Variants in SGK3 observed in about 807,000 individuals in gnomAD.
SGK3 encodes serum/glucocorticoid regulated kinase family member 3, also known as serine/threonine-protein kinase Sgk3.
SGK3 carries 47 observed loss-of-function variants against 68.5 expected under a neutral mutation model. That is an observed-to-expected ratio of 0.69 (90% CI 0.54 to 0.87). SGK3 has a LOEUF of 0.87. SGK3 is among the 40% of genes least tolerant of loss of function. The pLI, the probability that SGK3 is intolerant of heterozygous loss-of-function variation, is 0.00. For synonymous variants in SGK3, 181 were observed against 189.1 expected (o/e 0.96, Z 0.35); for missense variants, 479 against 575.5 (o/e 0.83, Z 1.72).
chr8:66,810,275 G>GAAA (rs549049097), intron 4 of SGK3, among the ~76,000 whole-genome samples: 1 of 127,754 alleles, frequency 7.8e-6, no homozygotes. Flanking sequence ...AAATATTCCA[G>GAAA]AAAAAAAAAA....
chr8:66,859,241 G>A (rs552985396), intron 16 of SGK3, among the ~76,000 whole-genome samples, 170 bp from the exon 17 acceptor site: 1 of 152,282 alleles, frequency 6.6e-6, no homozygotes, highest in South Asian at 2.1e-4. Flanking sequence ...GGTGAGGCAG[G>A]AGAATTGCTT....
At chr8:66,733,494 G>A (rs1805228285) in intron 1 of SGK3, among the ~76,000 whole-genome samples, 1 of 152,158 alleles carries the variant, frequency 6.6e-6, no homozygotes, top group Non-Finnish European at 1.5e-5. Flanking sequence ...GAAATAATGG[G>A]TGTAAAAATG....
At chr8:66,859,260 G>A in intron 16 of SGK3, 151 bp from the exon 17 acceptor site, 3 of 877,538 alleles carry the variant, frequency 3.4e-6, no homozygotes, top group Non-Finnish European at 4.7e-6. Flanking sequence ...TTGAACCCAG[G>A]AGGCGGAGGT....
chr8:66,828,675 A>G lies in SGK3; in HGVS notation c.439A>G (p.Ile147Val), dbSNP rs749604996. Residue 147 changes from isoleucine to valine, a missense_variant, in exon 7 of 17, where the codon ATC becomes GTC. Coordinates refer to ENST00000521198, the MANE Select transcript of SGK3 (RefSeq NM_001033578.3). ...ACAGCTACACTCTACCTCACAGAAC[A>G]TCAACCTGGGACCGTCTGGAAATCC... is the stretch of plus-strand genomic sequence containing the variant. ...SQKLHSTSQN[I>V]NLGPSGNPHA... 22 of 1,613,902 alleles carry G rather than the reference A, an allele frequency of 1.4e-5. No individual in the cohort carries two copies. In the African/African-American group the frequency reaches 2.1e-4, roughly 16 times the overall value.
chr8:66,745,599 A>AACAAC (rs1554593990), intron 1 of SGK3, among the ~76,000 whole-genome samples: 5 of 151,638 alleles, frequency 3.3e-5, no homozygotes, highest in African/African-American at 1.2e-4. Context: ...CAAAACAAAA[A>AACAAC]AACAACAAAA....
intron 1 of SGK3, among the ~76,000 whole-genome samples, chr8:66,733,171 G>C (rs1354732401): frequency 6.6e-6 from 1 of 152,120 alleles, no homozygotes; most frequent in Non-Finnish European, 1.5e-5. Flanking sequence ...ATGTGATAGT[G>C]GGAAAAAGTA....
intron 1 of SGK3, among the ~76,000 whole-genome samples, chr8:66,736,729 A>G (rs188048287): frequency 4.8e-4 from 73 of 151,238 alleles, no homozygotes; most frequent in Admixed American, 7.9e-4. Context: ...AAGTGATTCT[A>G]CTGCTTCAGC....
intron 1 of SGK3, among the ~76,000 whole-genome samples, chr8:66,791,168 G>A (rs1807438095): frequency 6.6e-6 from 1 of 152,176 alleles, no homozygotes; most frequent in African/African-American, 2.4e-5. Context: ...TGTGGGCTTA[G>A]GTAGATAAAC....
chr8:66,743,590 C>G (rs1805543271), intron 1 of SGK3, among the ~76,000 whole-genome samples: 1 of 152,238 alleles, frequency 6.6e-6, no homozygotes, highest in Admixed American at 6.5e-5. Context: ...GGCGTGATCT[C>G]AGCTCACTGC....
chr8:66,783,872 TG>T (rs1174942416), intron 1 of SGK3, among the ~76,000 whole-genome samples: 5 of 152,118 alleles, frequency 3.3e-5, no homozygotes, highest in Admixed American at 2.6e-4. Context: ...TTTATAGTTT[TG>T]TTTTTTGTTG....
intron 1 of SGK3, among the ~76,000 whole-genome samples, chr8:66,774,844 GCC>G (rs1806629565): frequency 6.6e-6 from 1 of 151,900 alleles, no homozygotes; most frequent in African/African-American, 2.4e-5. Flanking sequence ...CTCCTACCCC[GCC>G]CGAGGAAAAT....
intron 5 of SGK3, among the ~76,000 whole-genome samples, chr8:66,815,232 G>A (rs757474706): frequency 2.2e-4 from 34 of 152,114 alleles, no homozygotes; most frequent in Admixed American, 2.0e-4. Flanking sequence ...TGCTAAAACT[G>A]GATCTCCTCT....
chr8:66,792,638 G>A (rs111444618), intron 1 of SGK3, among the ~76,000 whole-genome samples: 8 of 152,086 alleles, frequency 5.3e-5, no homozygotes, highest in African/African-American at 1.9e-4. Flanking sequence ...TAGCACTTTG[G>A]GAGATCAAGT....
At chr8:66,812,821 G>A (rs1808433435) in intron 4 of SGK3, among the ~76,000 whole-genome samples, 1 of 152,172 alleles carries the variant, frequency 6.6e-6, no homozygotes, top group South Asian at 2.1e-4. Flanking sequence ...TAGGAAGTAG[G>A]AAAGACAAAG....
chr8:66,822,790 TGCA>T (rs886396866), intron 6 of SGK3, among the ~76,000 whole-genome samples: 2 of 152,104 alleles, frequency 1.3e-5, no homozygotes, highest in Non-Finnish European at 2.9e-5. Flanking sequence ...GGCTAATTTT[TGCA>T]TTTTTTCAGT....
At chr8:66,782,461 C>T (rs533645846) in intron 1 of SGK3, among the ~76,000 whole-genome samples, 3 of 152,208 alleles carry the variant, frequency 2.0e-5, no homozygotes, top group South Asian at 2.1e-4. Flanking sequence ...ATGTTACAAT[C>T]GGTGAACCTA....
chr8:66,752,836 G>A (rs1437196916), intron 1 of SGK3, among the ~76,000 whole-genome samples: 1 of 151,976 alleles, frequency 6.6e-6, no homozygotes, highest in Non-Finnish European at 1.5e-5. Context: ...TTTGAAGGGA[G>A]TGGGAAGTCA....
chr8:66,857,476 A>G (rs548199585), intron 16 of SGK3, among the ~76,000 whole-genome samples: 23 of 152,152 alleles, frequency 1.5e-4, no homozygotes, highest in African/African-American at 5.1e-4. Flanking sequence ...TTTGTATCCC[A>G]GTTTTTATCT....
At chr8:66,740,936 G>T (rs1356363167) in intron 1 of SGK3, among the ~76,000 whole-genome samples, 1 of 149,468 alleles carries the variant, frequency 6.7e-6, no homozygotes, top group Non-Finnish European at 1.5e-5. Flanking sequence ...AAAAAAGTAG[G>T]CTGAAGAACA....
Sources: allele counts gnomAD v4.1 joint callset (sites outside exome capture counted in the v4.1 genomes callset), GRCh38; gene constraint gnomAD v4.1.1; transcripts MANE v1.5; gene names NCBI Gene and HGNC (gene_info 2026-07-23, HGNC 2026-07-21).